The following OPCML variants were observed in gnomAD, a reference collection of about 807,000 sequenced individuals.
The protein encoded by OPCML is opioid-binding protein/cell adhesion molecule.
In OPCML, 13 loss-of-function variants were observed where a neutral mutation model predicts 37.8. The observed-to-expected ratio is 0.34, with a 90% CI of 0.22 to 0.55. OPCML has a LOEUF of 0.55. OPCML is among the 20% of genes least tolerant of loss of function. The probability of loss-of-function intolerance (pLI) is 0.91; values close to 1 mark genes in which losing one functional copy is unlikely to be tolerated. For missense variants in OPCML, 341 were observed against 435.6 expected, an observed-to-expected ratio of 0.78 and a Z score of 1.93; for synonymous variants, 176 against 168.8, an observed-to-expected ratio of 1.04 and a Z score of -0.33.
intron 1 of OPCML, among the ~76,000 whole-genome samples, chr11:133,199,999 T>C (rs1938702073): frequency 6.6e-6 from 1 of 152,198 alleles, no homozygotes; most frequent in South Asian, 2.1e-4. Flanking sequence ...ACAGTCTGGA[T>C]CCAGCCTTCA....
At chr11:132,516,548 C>A (rs547635985) in intron 4 of OPCML, among the ~76,000 whole-genome samples, 1 of 152,264 alleles carries the variant, frequency 6.6e-6, no homozygotes, top group Non-Finnish European at 1.5e-5. Flanking sequence ...CCCCAGGTAC[C>A]ATACCTGCTC....
chr11:132,824,294 C>T lies in OPCML; in HGVS notation c.146+118632G>A, dbSNP rs138411730. ...AAGTTAATCATCACCATTGATATTT[C>T]GCTCTTTCCTTTTCTCTTCACATCC... On this transcript the variant is annotated intron_variant, in intron 2 of 7. Coordinates refer to ENST00000524381, the MANE Select transcript of OPCML (RefSeq NM_001012393.5). Among the ~76,000 whole-genome samples, 424 of 152,228 alleles carry T rather than the reference C, an allele frequency of 2.8e-3. 3 individuals are homozygous for T. Among genetic ancestry groups the T allele is most frequent in the African/African-American group, 9.7e-3 (402 of 41,534 alleles).
intron 1 of OPCML, among the ~76,000 whole-genome samples, chr11:133,412,811 T>A (rs1439470000): frequency 6.6e-6 from 1 of 152,190 alleles, no homozygotes; most frequent in African/African-American, 2.4e-5. Context: ...GAGAAGTCTC[T>A]TTTTTGAGTG....
intron 1 of OPCML, among the ~76,000 whole-genome samples, chr11:133,105,124 G>T (rs536405597): frequency 1.3e-5 from 2 of 152,210 alleles, no homozygotes; most frequent in East Asian, 1.9e-4. Flanking sequence ...CCTACTATGC[G>T]TGTTCAATAA....
chr11:132,599,043 G>A (rs1413355044), intron 3 of OPCML, among the ~76,000 whole-genome samples: 1 of 152,046 alleles, frequency 6.6e-6, no homozygotes, highest in Admixed American at 6.6e-5. Context: ...ACTTTGGGAG[G>A]CCAAGTTGGT....
chr11:133,084,411 C>T (rs537175171), intron 1 of OPCML, among the ~76,000 whole-genome samples: 7 of 152,130 alleles, frequency 4.6e-5, no homozygotes, highest in Non-Finnish European at 1.0e-4. Flanking sequence ...GTTTAGTTTC[C>T]CAGAAAGAGG....
intron 4 of OPCML, among the ~76,000 whole-genome samples, chr11:132,481,694 A>G (rs912050160): frequency 0.014 from 2,097 of 150,346 alleles, 29 homozygotes; most frequent in Middle Eastern, 0.031. Flanking sequence ...GCAAATGTAA[A>G]AGAACAGAAA....
At chr11:132,836,593 C>T (rs759388715) in intron 2 of OPCML, among the ~76,000 whole-genome samples, 7 of 152,096 alleles carry the variant, frequency 4.6e-5, no homozygotes, top group East Asian at 3.9e-4. Context: ...AAGAGTTTTA[C>T]GAATATTACA....
chr11:133,266,050 A>G (rs1941648246), intron 1 of OPCML, among the ~76,000 whole-genome samples: 1 of 152,148 alleles, frequency 6.6e-6, no homozygotes, highest in South Asian at 2.1e-4. Flanking sequence ...TGATAGCAAC[A>G]CTAGGAAAAA....
At chr11:133,475,340 C>T (rs766031423) in intron 1 of OPCML, among the ~76,000 whole-genome samples, 1 of 151,944 alleles carries the variant, frequency 6.6e-6, no homozygotes, top group Non-Finnish European at 1.5e-5. Flanking sequence ...CATTGCAGAC[C>T]TCAGGAGAAA....
rs1005723754 is a variant in OPCML at position 132,755,001 on chromosome 11, G to A, written c.147-97682C>T. Among the ~76,000 whole-genome samples the A allele has an allele frequency of 3.9e-5, 6 of 152,264 alleles. No homozygotes were observed. In the East Asian group the frequency reaches 5.8e-4, roughly 15 times the overall value. On this transcript the variant is annotated intron_variant, in intron 2 of 7. Transcript: ENST00000524381. ...CTTTGTACCACACTAATGTGTATTC[G>A]AAAGTTTCCTTACAGACAAATGTAT...
intron 1 of OPCML, among the ~76,000 whole-genome samples, chr11:133,129,381 G>C (rs1055402097): frequency 6.6e-6 from 1 of 152,108 alleles, no homozygotes. Flanking sequence ...GTAATGCACC[G>C]GATATTGGGT....
Position 132,901,778 on chromosome 11 carries a change from A to T in OPCML, c.146+41148T>A, listed in dbSNP as rs1011633419. On this transcript the variant is annotated intron_variant, in intron 2 of 7. Coordinates refer to ENST00000524381, the MANE Select transcript of OPCML (RefSeq NM_001012393.5). ...GAGAAAAGATAAAGAGGCATAAAGG[A>T]AAAAGAAATGACAGTTTTCAGGCAT... Among the ~76,000 whole-genome samples, 11 of 152,348 alleles carry T rather than the reference A, an allele frequency of 7.2e-5. No individual in the cohort carries two copies. In the East Asian group the frequency reaches 2.1e-3, roughly 29 times the overall value.
intron 1 of OPCML, among the ~76,000 whole-genome samples, chr11:133,456,151 C>T (rs953746711): frequency 3.3e-5 from 5 of 152,208 alleles, no homozygotes; most frequent in African/African-American, 1.2e-4. Flanking sequence ...GACCCATAGA[C>T]ATTTGGGGGC....
At chr11:133,016,180 G>A (rs1947331674) in intron 1 of OPCML, among the ~76,000 whole-genome samples, 1 of 152,204 alleles carries the variant, frequency 6.6e-6, no homozygotes, top group African/African-American at 2.4e-5. Flanking sequence ...CTCAAAGTGT[G>A]TAGGTCAGAA....
chr11:132,746,182 T>C (rs1199707912), intron 2 of OPCML, among the ~76,000 whole-genome samples: 1 of 151,942 alleles, frequency 6.6e-6, no homozygotes, highest in Non-Finnish European at 1.5e-5. Context: ...AGGAGAGAAG[T>C]GATGTTTCAC....
chr11:132,802,833 G>C (rs1330234547), intron 2 of OPCML, among the ~76,000 whole-genome samples: 1 of 152,058 alleles, frequency 6.6e-6, no homozygotes, highest in Non-Finnish European at 1.5e-5. Flanking sequence ...GATTTCTGTA[G>C]GTAGATGGGA....
chr11:133,458,859 GTATATA>G (rs1178998877), intron 1 of OPCML, among the ~76,000 whole-genome samples: 3 of 147,438 alleles, frequency 2.0e-5, no homozygotes, highest in Non-Finnish European at 3.0e-5. Flanking sequence ...ACGTGTGTGT[GTATATA>G]TACACACACA....
In OPCML at chr11:133,211,087, A is replaced by C. The variant is rs1939337471; in HGVS notation, c.62-268077T>G. Among the ~76,000 whole-genome samples, 1 of 152,234 alleles carries C rather than the reference A, an allele frequency of 6.6e-6. No individual in the cohort carries two copies. Among genetic ancestry groups the C allele is most frequent in the Non-Finnish European group, 1.5e-5 (1 of 68,040 alleles). ...ATAGAAATGAAATGAGGCATCATTC[A>C]AAACAGAGGCTTGCCCACTGCAACT... On this transcript the variant is annotated intron_variant, in intron 1 of 7. Coordinates refer to ENST00000524381, the MANE Select transcript of OPCML (RefSeq NM_001012393.5). This position sits in a 1 kb window ranked among gnomAD's most constrained non-coding sequence, Gnocchi z 4.1.
Sources: gnomAD v4.1 joint callset for allele counts (sites outside exome capture counted in the v4.1 genomes callset) on GRCh38, gnomAD v4.1.1 for gene constraint, Gnocchi (gnomAD v3.1) non-coding constraint, MANE v1.5 for transcripts, NCBI Gene and HGNC (gene_info 2026-07-23, HGNC 2026-07-21) for gene names.